The following LETM1 variants were observed in gnomAD, a reference collection of about 807,000 sequenced individuals.
The protein encoded by LETM1 is mitochondrial proton/calcium exchanger protein.
In LETM1, 50 loss-of-function variants were observed where a neutral mutation model predicts 74.5. The observed-to-expected ratio is 0.67, with a 90% CI of 0.53 to 0.85. The LOEUF (loss-of-function observed/expected upper bound fraction) is 0.85. Ranked by LOEUF, LETM1 falls within the 40% of genes least tolerant of loss-of-function variation. The pLI is 0.00. For synonymous variants in LETM1, 446 were observed against 407.1 expected, an observed-to-expected ratio of 1.10 and a Z score of -1.15; for missense variants, 824 against 967.8, an observed-to-expected ratio of 0.85 and a Z score of 1.97.
At chr4:1,820,286 C>T (rs1329453752) in intron 10 of LETM1, among the ~76,000 whole-genome samples, 1 of 152,158 alleles carries the variant, frequency 6.6e-6, no homozygotes, top group Non-Finnish European at 1.5e-5. Flanking sequence ...ACTCCGTGGA[C>T]AGCACTTGCA....
chr4:1,841,762 G>A lies in LETM1; in HGVS notation c.179C>T (p.Pro60Leu), dbSNP rs190542828. ...VPFGCCTPIH[P>L]VYTSSRGDHL... ...ATCGCCTCTGGAGGATGTGTACACAGGGTGGATGGGAGTGCAGCAGCCAAA... is the reference window on the plus strand; with the variant it reads ...ATCGCCTCTGGAGGATGTGTACACAAGGTGGATGGGAGTGCAGCAGCCAAA... Residue 60 changes from proline to leucine, a missense_variant, in exon 3 of 14, where the codon CCT becomes CTT. Coordinates refer to ENST00000302787, the MANE Select transcript of LETM1 (RefSeq NM_012318.3). 1.1e-5 allele frequency: 17 copies of A among 1,613,718 alleles called. No homozygotes were observed. Among genetic ancestry groups the A allele is most frequent in the Admixed American group, 5.0e-5 (3 of 60,000 alleles).
intron 9 of LETM1, chr4:1,822,587 A>G: frequency 2.8e-6 from 1 of 353,946 alleles, no homozygotes; most frequent in Non-Finnish European, 5.0e-6. Flanking sequence ...CAGGAGGCTG[A>G]GCCTGTGGGT....
intron 1 of LETM1, among the ~76,000 whole-genome samples, chr4:1,854,696 G>C (rs1422282921): frequency 6.6e-6 from 1 of 151,934 alleles, no homozygotes; most frequent in Non-Finnish European, 1.5e-5. Flanking sequence ...GGCAGGCTGA[G>C]GTAAGAGAAT....
At chr4:1,832,048 C>T (rs1203688860) in intron 6 of LETM1, among the ~76,000 whole-genome samples, 3 of 152,142 alleles carry the variant, frequency 2.0e-5, no homozygotes, top group African/African-American at 7.2e-5. Context: ...TGCCTGTAAT[C>T]CCAGCACTTT....
intron 2 of LETM1, among the ~76,000 whole-genome samples, chr4:1,847,545 C>A (rs895602684): frequency 6.7e-6 from 1 of 149,514 alleles, no homozygotes; most frequent in Non-Finnish European, 1.5e-5. Flanking sequence ...AGCAGCTAGG[C>A]GCAGTGGCTC....
Position 1,816,856 on chromosome 4 carries a change from T to G in LETM1, c.1802A>C (p.Glu601Ala). The G allele has an allele frequency of 1.2e-6, 2 of 1,614,080 alleles. No homozygotes were observed. Among genetic ancestry groups the G allele is most frequent in the Non-Finnish European group, 1.7e-6 (2 of 1,179,924 alleles). Residue 601 changes from glutamate to alanine, a missense_variant, in exon 12 of 14, where the codon GAA (glutamate) becomes GCA (alanine). Transcript: ENST00000302787. The part of the protein sequence containing the change: ...SKTGEEKYVE[E>A]SKASKRLTKR... ...TGTCAATCTCTTGCTGGCTTTAGAT[T>G]CTTCCACGTACTTTTCTTCACCAGT...
Position 1,815,808 on chromosome 4 carries a change from G to A in LETM1, c.1932-6C>T. The A allele has an allele frequency of 6.2e-7, 1 of 1,613,700 alleles. No homozygotes were observed. On this transcript the variant is annotated splice_polypyrimidine_tract_variant and splice_region_variant and intron_variant, in intron 12 of 13. Transcript: ENST00000302787. Reference sequence around the variant, plus strand: ...CGACACTGATGACGTTCTCCCTGTGGAAGCACAGCCTGCATGTGGCCACGG... The same window carrying A: ...CGACACTGATGACGTTCTCCCTGTGAAAGCACAGCCTGCATGTGGCCACGG...
chr4:1,841,914 C>G, intron 2 of LETM1, 117 bp from the exon 3 acceptor site: 1 of 748,000 alleles, frequency 1.3e-6, no homozygotes, highest in Non-Finnish European at 2.2e-6. Context: ...ATGTCACAAC[C>G]ACACACAATC....
Position 1,822,268 on chromosome 4 carries a change from C to A in LETM1, c.1521G>T (p.Pro507=). The A allele has an allele frequency of 1.3e-6, 2 of 1,542,166 alleles. No individual in the cohort carries two copies. The highest frequency in any genetic ancestry group is 8.8e-7 in the Non-Finnish European group (1 of 1,137,158). ...GCATTTCTGGCTGTGGCTCGGTCCC[C>A]GGCCTTTGGGGAGCAGCTACCACAC... is the stretch of plus-strand genomic sequence containing the variant. ...PERVVAAPQR[P]GTEPQPEMPD... The change falls in exon 10 of 14, where the codon CCG becomes CCT. Residue 507 remains proline (P), a synonymous_variant. Transcript: ENST00000302787.
In LETM1 at chr4:1,855,945, C is replaced by T; in HGVS notation, c.6G>A (p.Ala2=). Residue 2 remains alanine, a synonymous_variant, in exon 1 of 14, where the codon GCG becomes GCA. Coordinates refer to ENST00000302787, the MANE Select transcript of LETM1 (RefSeq NM_012318.3). The part of the protein sequence containing the change: M[A]SILLRSCRGR... ...CGCGGCAGCTCCTCAGTAAGATGGA[C>T]GCCATGTGCTCGGGCGCGGCGGCCG... 1 of 1,222,914 alleles carries T rather than the reference C, an allele frequency of 8.2e-7. No homozygotes were observed. Among genetic ancestry groups the T allele is most frequent in the Non-Finnish European group, 1.0e-6 (1 of 983,462 alleles). The allele number at this position is 1,222,914 out of a possible 1,614,324, so 75.8% of individuals were successfully genotyped here. A position where few individuals can be genotyped will look rare whatever the true frequency, so the allele number is the denominator to read the frequency against.
chr4:1,837,579 T>C (rs1264598384), intron 3 of LETM1, among the ~76,000 whole-genome samples: 2 of 152,212 alleles, frequency 1.3e-5, no homozygotes, highest in African/African-American at 4.8e-5. Context: ...TCATTAATTT[T>C]TTTAGCAGTT....
intron 11 of LETM1, among the ~76,000 whole-genome samples, chr4:1,817,201 T>C (rs1219201273): frequency 4.3e-5 from 5 of 115,186 alleles, no homozygotes; most frequent in African/African-American, 3.5e-5. Flanking sequence ...GCCAAGACCA[T>C]GCCAACGCAC....
Position 1,825,579 on chromosome 4 carries a change from C to T in LETM1, c.1185G>A (p.Arg395=), listed in dbSNP as rs761740968. Reference sequence around the variant, plus strand: ...ATTCACGCACCTGCTTCAGCTGACCCCTCAGGCGGTCTTCCGTGACGCCCA... The same window carrying T: ...ATTCACGCACCTGCTTCAGCTGACCTCTCAGGCGGTCTTCCGTGACGCCCA... ...RALGVTEDRL[R]GQLKQWLDLH... is the part of the protein sequence containing the mutation. The change falls in exon 7 of 14, where the codon AGG becomes AGA. Residue 395 remains arginine (R), a synonymous_variant. Coordinates refer to ENST00000302787, the MANE Select transcript of LETM1 (RefSeq NM_012318.3). The T allele has an allele frequency of 3.1e-6, 5 of 1,613,224 alleles. No homozygotes were observed. In the East Asian group the frequency reaches 6.7e-5, roughly 22 times the overall value.
intron 1 of LETM1, among the ~76,000 whole-genome samples, chr4:1,850,858 C>T (rs1167028375): frequency 1.4e-5 from 2 of 146,598 alleles, no homozygotes; most frequent in Non-Finnish European, 3.0e-5. Context: ...CCCAGCTACT[C>T]GGGAGGCTGA....
At chr4:1,819,262 A>G (rs1711689015) in intron 11 of LETM1, 76 bp downstream of exon 11, 1 of 1,380,168 alleles carries the variant, frequency 7.2e-7, no homozygotes, top group East Asian at 2.4e-5. Flanking sequence ...CGGAAGTATT[A>G]TGTATACTTT....
In LETM1 at chr4:1,834,652, G is replaced by A. The variant is rs1427288185; in HGVS notation, c.876+193C>T. 5 of 1,422,546 alleles carry A rather than the reference G, an allele frequency of 3.5e-6. No homozygotes were observed. Among genetic ancestry groups the A allele is most frequent in the East Asian group, 2.6e-5 (1 of 38,740 alleles). 88.1% of individuals were successfully genotyped at this position (1,422,546 alleles called of 1,614,324 possible). A position where few individuals can be genotyped will look rare whatever the true frequency, so the allele number is the denominator to read the frequency against. On this transcript the variant is annotated intron_variant, in intron 5 of 13. Transcript: ENST00000302787. The surrounding 1 kb of genome is among the most constrained non-coding windows in gnomAD (Gnocchi z 5.0). ...AGGCTGACGAGGCGCAGCCACCACA[G>A]CTTAACTCACTGGGAGCTCGTGGGG...
intron 5 of LETM1, 100 bp from the exon 6 acceptor site, chr4:1,833,047 G>T: frequency 9.7e-7 from 1 of 1,036,262 alleles, no homozygotes; most frequent in Non-Finnish European, 1.5e-6. Context: ...CTCATCCTCA[G>T]GGACTCAAAC....
chr4:1,848,211 C>T (rs1224089531), intron 2 of LETM1, among the ~76,000 whole-genome samples: 1 of 152,026 alleles, frequency 6.6e-6, no homozygotes, highest in African/African-American at 2.4e-5. Context: ...CAAGACCAGC[C>T]TGGCCAACAT....
At chr4:1,829,304 G>A (rs1376883492) in intron 6 of LETM1, among the ~76,000 whole-genome samples, 1 of 140,682 alleles carries the variant, frequency 7.1e-6, no homozygotes, top group African/African-American at 2.9e-5. Context: ...CCGGGCAGAG[G>A]CGCCCCTCAC....
Sources: allele counts gnomAD v4.1 joint callset (sites outside exome capture counted in the v4.1 genomes callset), GRCh38; gene constraint gnomAD v4.1.1; non-coding constraint Gnocchi (gnomAD v3.1); transcripts MANE v1.5; gene names NCBI Gene and HGNC (gene_info 2026-07-23, HGNC 2026-07-21).